The following NBEA variants were observed in gnomAD, a reference collection of about 807,000 sequenced individuals.
NBEA encodes the protein lysosomal-trafficking regulator 2.
NBEA carries 44 observed loss-of-function variants against 343.4 expected under a neutral mutation model. The ratio of observed to expected loss-of-function variants is 0.13; its 90% CI spans 0.10 to 0.16. The LOEUF is 0.16. Ranked by LOEUF, NBEA falls within the 10% of genes least tolerant of loss-of-function variation. The probability of loss-of-function intolerance (pLI) is 1.00; values close to 1 mark genes in which losing one functional copy is unlikely to be tolerated. For missense variants in NBEA, 2,555 were observed against 3,631.3 expected, an observed-to-expected ratio of 0.70 and a Z score of 7.62; for synonymous variants, 1,175 against 1,238.7, an observed-to-expected ratio of 0.95 and a Z score of 1.08.
chr13:35,617,784 C>G (rs1242686601), intron 48 of NBEA, among the ~76,000 whole-genome samples: 1 of 152,132 alleles, frequency 6.6e-6, no homozygotes, highest in Non-Finnish European at 1.5e-5. Context: ...TCATACTGAT[C>G]TCTTGCAGAA....
chr13:35,423,732 A>T (rs1323183065), intron 38 of NBEA, among the ~76,000 whole-genome samples: 1 of 152,114 alleles, frequency 6.6e-6, no homozygotes, highest in Non-Finnish European at 1.5e-5. Flanking sequence ...TCTATAAATT[A>T]CCTTGGGCAG....
chr13:35,308,751 C>G (rs2037162683), intron 35 of NBEA, among the ~76,000 whole-genome samples: 1 of 149,322 alleles, frequency 6.7e-6, no homozygotes, highest in Non-Finnish European at 1.5e-5. Flanking sequence ...ATAGAAATCA[C>G]TAGCATAAAC....
intron 40 of NBEA, among the ~76,000 whole-genome samples, chr13:35,471,291 G>A (rs1055822161): frequency 1.3e-5 from 2 of 152,164 alleles, no homozygotes; most frequent in Middle Eastern, 3.2e-3. Flanking sequence ...GGGGGCCGAG[G>A]GCGGTGTCGG....
intron 1 of NBEA, among the ~76,000 whole-genome samples, chr13:35,026,593 G>T (rs749050484): frequency 2.6e-5 from 4 of 151,820 alleles, no homozygotes; most frequent in Non-Finnish European, 4.4e-5. Context: ...CTGAACTGTT[G>T]GTTAATACAT....
intron 40 of NBEA, among the ~76,000 whole-genome samples, chr13:35,452,816 G>T (rs530907495): frequency 6.6e-6 from 1 of 152,186 alleles, no homozygotes; most frequent in Non-Finnish European, 1.5e-5. Flanking sequence ...AGATATCTTA[G>T]TGTATTCACC....
At chr13:35,637,366 C>A (rs1340865098) in intron 49 of NBEA, among the ~76,000 whole-genome samples, 1 of 152,058 alleles carries the variant, frequency 6.6e-6, no homozygotes, top group Non-Finnish European at 1.5e-5. Context: ...CTACCACTGG[C>A]GTAGCTGCTA....
chr13:35,178,738 T>A (rs568995478), intron 28 of NBEA, among the ~76,000 whole-genome samples: 2 of 151,620 alleles, frequency 1.3e-5, no homozygotes, highest in East Asian at 1.9e-4. Context: ...AAGGTTTTTT[T>A]AAAAAGGGAG....
At chr13:35,283,660 G>T (rs894734304) in intron 34 of NBEA, among the ~76,000 whole-genome samples, 1 of 152,070 alleles carries the variant, frequency 6.6e-6, no homozygotes, top group Admixed American at 6.6e-5. Context: ...TTTAGGAAAG[G>T]CTGGGAGAGC....
chr13:35,167,028 G>C (rs1398493470), intron 24 of NBEA, among the ~76,000 whole-genome samples: 1 of 151,800 alleles, frequency 6.6e-6, no homozygotes, highest in Non-Finnish European at 1.5e-5. Flanking sequence ...TGAGTGAGCT[G>C]GTAATTTTGT....
At chr13:35,092,292 A>G (rs1411320460) in intron 10 of NBEA, among the ~76,000 whole-genome samples, 1 of 152,042 alleles carries the variant, frequency 6.6e-6, no homozygotes, top group Non-Finnish European at 1.5e-5. Context: ...CGTATAAGGA[A>G]ATTTATGGGA....
intron 38 of NBEA, among the ~76,000 whole-genome samples, chr13:35,381,366 C>A (rs902440884): frequency 2.6e-5 from 4 of 152,178 alleles, no homozygotes; most frequent in Admixed American, 2.6e-4. Flanking sequence ...TCAGTCCCAG[C>A]CTCAATGAGC....
chr13:35,123,517 G>A lies in NBEA; in HGVS notation c.2279G>A (p.Ser760Asn). The change falls in exon 17 of 59, where the codon AGT (serine) becomes AAT (asparagine). Residue 760 changes from serine (S) to asparagine (N), a missense_variant. Transcript: ENST00000379939. The stretch of plus-strand genomic sequence containing the variant: ...AAATTATTGGCTTCTAAAAGTGAAA[G>A]TATTTGGGTTCAAGCTTTGAAGGTT... ...IYKLLASKSE[S>N]IWVQALKVLG... 1 of 1,540,350 alleles carries A rather than the reference G, an allele frequency of 6.5e-7. No individual in the cohort carries two copies. Among genetic ancestry groups the A allele is most frequent in the Non-Finnish European group, 8.8e-7 (1 of 1,138,474 alleles).
intron 34 of NBEA, among the ~76,000 whole-genome samples, chr13:35,273,304 A>G (rs946020803): frequency 6.6e-6 from 1 of 152,244 alleles, no homozygotes. Context: ...TTTGAAACCA[A>G]TGAGAACAAA....
intron 1 of NBEA, among the ~76,000 whole-genome samples, chr13:35,033,344 A>G (rs1039387105): frequency 6.6e-6 from 1 of 151,596 alleles, no homozygotes; most frequent in Non-Finnish European, 1.5e-5. Context: ...TGGGTTCTCT[A>G]TTTTGTTACA....
At chr13:35,013,986 G>GC (rs201326863) in intron 1 of NBEA, among the ~76,000 whole-genome samples, 1 of 151,892 alleles carries the variant, frequency 6.6e-6, no homozygotes, top group East Asian at 1.9e-4. Context: ...ATTCTCAACT[G>GC]CATGAGTTAA....
intron 43 of NBEA, 108 bp from the exon 44 acceptor site, chr13:35,554,879 C>A: frequency 2.0e-6 from 1 of 488,646 alleles, no homozygotes; most frequent in Non-Finnish European, 3.6e-6. Context: ...AAGGATAAAC[C>A]ATAAATTATT....
chr13:35,444,463 T>A (rs1207591337), intron 39 of NBEA, among the ~76,000 whole-genome samples: 1 of 152,034 alleles, frequency 6.6e-6, no homozygotes, highest in Non-Finnish European at 1.5e-5. Flanking sequence ...ATTGCAACAT[T>A]TTATTCTACT....
At chr13:35,549,950 C>T (rs1245167909) in intron 41 of NBEA, among the ~76,000 whole-genome samples, 1 of 152,172 alleles carries the variant, frequency 6.6e-6, no homozygotes, top group Non-Finnish European at 1.5e-5. Context: ...TGGCTCCTTT[C>T]ATGTTACAAT....
chr13:35,148,053 G>C (rs549476321), intron 18 of NBEA, among the ~76,000 whole-genome samples: 27 of 152,268 alleles, frequency 1.8e-4, no homozygotes, highest in African/African-American at 4.1e-4. Context: ...GATGCTCCAG[G>C]CTGGCTCATC....
Sources: gnomAD v4.1 joint callset for allele counts (sites outside exome capture counted in the v4.1 genomes callset) on GRCh38, gnomAD v4.1.1 for gene constraint, MANE v1.5 for transcripts, NCBI Gene and HGNC (gene_info 2026-07-23, HGNC 2026-07-21) for gene names.